Variants in DIAPH2 observed in about 807,000 individuals in gnomAD.
DIAPH2 encodes the protein diaphanous related formin 2.
A neutral mutation model predicts 92.7 loss-of-function variants in DIAPH2; 35 were observed. The observed-to-expected ratio is 0.38, with a 90% confidence interval of 0.29 to 0.50. The LOEUF is 0.50. DIAPH2 is among the 20% of genes least tolerant of loss of function. The probability of loss-of-function intolerance (pLI) is 0.94; values close to 1 mark genes in which losing one functional copy is unlikely to be tolerated. For synonymous variants in DIAPH2, 301 were observed against 280.4 expected (o/e 1.07, Z -0.73); for missense variants, 701 against 819.5 (o/e 0.86, Z 1.77).
chrX:96,697,284 G>A (rs1286701964), intron 1 of DIAPH2, among the ~76,000 whole-genome samples: 1 of 108,785 alleles, frequency 9.2e-6, no homozygotes. Flanking sequence ...CATTTTGTAG[G>A]TGAAGAAAAC....
In DIAPH2 at chrX:97,022,445, A is replaced by G. The variant is rs775862258; in HGVS notation, c.2051-50496A>G. ...ATTTTTGGGGAAGAAGACCTGCATTAATTCTCCAGGTAGATGTCTATACAC... is the reference window on the plus strand; with the variant it reads ...ATTTTTGGGGAAGAAGACCTGCATTGATTCTCCAGGTAGATGTCTATACAC... On this transcript the variant is annotated intron_variant, in intron 17 of 26. Coordinates refer to ENST00000324765, the MANE Select transcript of DIAPH2 (RefSeq NM_006729.5). 2.7e-5 allele frequency among the ~76,000 whole-genome samples: 3 copies of G among 112,091 alleles called. No homozygotes were observed. In the East Asian group the frequency reaches 8.4e-4, roughly 32 times the overall value.
chrX:96,990,675 G>T (rs1042654054), intron 17 of DIAPH2, among the ~76,000 whole-genome samples: 1 of 111,567 alleles, frequency 9.0e-6, no homozygotes, highest in Non-Finnish European at 1.9e-5. Flanking sequence ...ATCAAATAAA[G>T]GTAATTGGGA....
rs755520409 is a variant in DIAPH2, at chrX:96,759,986, GT to G, written c.447+1730del. Among the ~76,000 whole-genome samples, 9 of 111,629 alleles carry G rather than the reference GT, an allele frequency of 8.1e-5. No homozygotes were observed. In the East Asian group the frequency reaches 2.0e-3, roughly 24 times the overall value. On this transcript the variant is annotated intron_variant, in intron 4 of 26. Coordinates refer to ENST00000324765, the MANE Select transcript of DIAPH2 (RefSeq NM_006729.5). ...ATTATTCAAAAGATGGAAATTCAAT[GT>G]TCCTCAAAAGACATGAAAATTCTAT...
intron 4 of DIAPH2, among the ~76,000 whole-genome samples, chrX:96,836,399 CTG>C (rs997454425): frequency 8.3e-5 from 9 of 108,926 alleles, no homozygotes; most frequent in African/African-American, 3.0e-4. Context: ...TGATAAATGA[CTG>C]TACTCAAAGG....
Position 97,131,722 on chromosome X carries a change from T to C in DIAPH2, c.2590-9943T>C, listed in dbSNP as rs1397504618. Among the ~76,000 whole-genome samples, 3 of 112,803 alleles carry C rather than the reference T, an allele frequency of 2.7e-5. No homozygotes were observed. The East Asian group carries it at 8.3e-4, about 31-fold the overall frequency. On this transcript the variant is annotated intron_variant, in intron 21 of 26. Transcript: ENST00000324765. The stretch of plus-strand genomic sequence containing the variant: ...TACTTGTAAACTATTTCTATACCAA[T>C]TTAAATAATTTGATTTTTATTAAAA...
At chrX:96,870,523 G>A (rs1379120190) in intron 4 of DIAPH2, among the ~76,000 whole-genome samples, 5 of 107,197 alleles carry the variant, frequency 4.7e-5, no homozygotes, top group Middle Eastern at 9.7e-3. Context: ...TGATCCGCCC[G>A]CCTCGGCCTC....
chrX:97,005,279 GT>G, intron 17 of DIAPH2, among the ~76,000 whole-genome samples: 1 of 108,032 alleles, frequency 9.3e-6, no homozygotes, highest in East Asian at 2.9e-4. Context: ...TCCTAGTCTA[GT>G]TTTGGTAATA....
intron 24 of DIAPH2, among the ~76,000 whole-genome samples, chrX:97,372,120 G>C (rs1216025638): frequency 8.9e-6 from 1 of 112,221 alleles, no homozygotes; most frequent in Admixed American, 9.5e-5. Context: ...GCTAATCAGA[G>C]TTCAGCATTC....
At chrX:97,500,786 A>G in intron 26 of DIAPH2, among the ~76,000 whole-genome samples, 2 of 93,552 alleles carry the variant, frequency 2.1e-5, no homozygotes, top group East Asian at 6.9e-4. Context: ...ATATATATAT[A>G]TATATATATA....
At chrX:97,597,833 C>A (rs1036998003) in intron 26 of DIAPH2, among the ~76,000 whole-genome samples, 2 of 111,504 alleles carry the variant, frequency 1.8e-5, no homozygotes, top group African/African-American at 6.5e-5. Context: ...TTCAAAAGGA[C>A]ACCCAAATAA....
At chrX:97,426,903 G>A (rs141521715) in intron 25 of DIAPH2, among the ~76,000 whole-genome samples, 1,319 of 111,204 alleles carry the variant, frequency 0.012, 19 homozygotes, top group African/African-American at 0.04. Flanking sequence ...TTGGCCAGGC[G>A]CAGTAGCTCA....
chrX:97,498,145 A>C (rs932833043), intron 26 of DIAPH2, among the ~76,000 whole-genome samples: 1 of 110,999 alleles, frequency 9.0e-6, no homozygotes, highest in African/African-American at 3.3e-5. Flanking sequence ...TAATCCTTCT[A>C]TTCTTATGAT....
chrX:97,371,613 T>C (rs2069448523), intron 24 of DIAPH2, among the ~76,000 whole-genome samples: 1 of 111,410 alleles, frequency 9.0e-6, no homozygotes, highest in South Asian at 3.8e-4. Context: ...CTAGAGCCCT[T>C]CCTGTTCTGT....
intron 24 of DIAPH2, among the ~76,000 whole-genome samples, chrX:97,373,054 A>G (rs1027713782): frequency 1.8e-5 from 2 of 111,808 alleles, no homozygotes; most frequent in African/African-American, 6.5e-5. Flanking sequence ...CAAATGCCTC[A>G]TTTTCAAAAT....
chrX:96,914,043 T>A (rs1221429061), intron 7 of DIAPH2, among the ~76,000 whole-genome samples: 1 of 110,926 alleles, frequency 9.0e-6, no homozygotes, highest in Non-Finnish European at 1.9e-5. Flanking sequence ...ATGTAAAATA[T>A]GGCTATTAAT....
chrX:97,348,454 A>G (rs911641364), intron 24 of DIAPH2, among the ~76,000 whole-genome samples, 174 bp downstream of exon 24: 3 of 112,055 alleles, frequency 2.7e-5, no homozygotes, highest in Non-Finnish European at 5.6e-5. Context: ...GTTATAAGTC[A>G]TGGCTGGCTT....
At chrX:96,945,422 G>T in intron 13 of DIAPH2, 105 bp from the exon 14 acceptor site, 1 of 515,692 alleles carries the variant, frequency 1.9e-6, no homozygotes, top group South Asian at 3.2e-5. Flanking sequence ...AATAAGGGTT[G>T]ACATAAAAAT....
chrX:96,863,524 C>T (rs1406968660), intron 4 of DIAPH2, among the ~76,000 whole-genome samples: 1 of 110,553 alleles, frequency 9.0e-6, no homozygotes, highest in Non-Finnish European at 1.9e-5. Context: ...CTAAAATCCT[C>T]TTACTTAGGT....
intron 3 of DIAPH2, among the ~76,000 whole-genome samples, chrX:96,753,458 A>G (rs1216565907): frequency 1.8e-5 from 2 of 111,528 alleles, no homozygotes; most frequent in African/African-American, 6.5e-5. Context: ...AGAGAGAGAG[A>G]GATGTGGACA....
Sources: allele counts gnomAD v4.1 joint callset (sites outside exome capture counted in the v4.1 genomes callset), GRCh38; gene constraint gnomAD v4.1.1; transcripts MANE v1.5; gene names NCBI Gene and HGNC (gene_info 2026-07-23, HGNC 2026-07-21).